The following PRKN variants were observed in gnomAD, a reference collection of about 807,000 sequenced individuals.
PRKN encodes E3 ubiquitin-protein ligase parkin.
In PRKN, 56 loss-of-function variants were observed where a neutral mutation model predicts 59.5. The ratio of observed to expected loss-of-function variants is 0.94; its 90% CI spans 0.76 to 1.18. The LOEUF is 1.18. Ranked by LOEUF, PRKN falls within the 50% of genes most tolerant of loss-of-function variation. The probability of loss-of-function intolerance (pLI) is 0.00; values close to 1 mark genes in which losing one functional copy is unlikely to be tolerated. For synonymous variants in PRKN, 250 were observed against 222.1 expected, an observed-to-expected ratio of 1.13 and a Z score of -1.12; for missense variants, 657 against 596.4, an observed-to-expected ratio of 1.10 and a Z score of -1.06.
chr6:161,917,772 T>G (rs1778625553), intron 6 of PRKN, among the ~76,000 whole-genome samples: 1 of 152,236 alleles, frequency 6.6e-6, no homozygotes, highest in Non-Finnish European at 1.5e-5. Flanking sequence ...AAATTTAGTT[T>G]TTCAATTTGC....
intron 4 of PRKN, among the ~76,000 whole-genome samples, chr6:162,070,018 C>G (rs997423933): frequency 1.3e-5 from 2 of 152,170 alleles, no homozygotes; most frequent in Non-Finnish European, 2.9e-5. Context: ...ACAGGTTTGT[C>G]TACAAATCGC....
At position 161,854,004 on chromosome 6, in the gene PRKN, G is replaced by C; in HGVS notation, c.735-68096C>G. Among the ~76,000 whole-genome samples the C allele has an allele frequency of 2.0e-5, 3 of 151,578 alleles. No individual in the cohort carries two copies. In the South Asian group the frequency reaches 6.3e-4, roughly 32 times the overall value. On this transcript the variant is annotated intron_variant, in intron 6 of 11. Transcript: ENST00000366898. ...CTCATGCCTGTAATCCCAACACTTCGGGAGACCAAGGCAGGTGGATCACTT... is the reference window on the plus strand; with the variant it reads ...CTCATGCCTGTAATCCCAACACTTCCGGAGACCAAGGCAGGTGGATCACTT...
intron 5 of PRKN, among the ~76,000 whole-genome samples, chr6:162,013,070 A>G (rs545049819): frequency 6.6e-6 from 1 of 152,114 alleles, no homozygotes; most frequent in Admixed American, 6.5e-5. Context: ...GCTTGAATCA[A>G]TTATTAGTAT....
chr6:162,674,602 C>T (rs144363633), intron 1 of PRKN, among the ~76,000 whole-genome samples: 78 of 152,272 alleles, frequency 5.1e-4, no homozygotes, highest in African/African-American at 1.8e-3. Context: ...AACAAAATGG[C>T]AACATTCTGT....
At position 162,304,527 on chromosome 6, in the gene PRKN, CTATCTATCTATCTATCTATTT is replaced by C. The variant is rs1562655084; in HGVS notation, c.172-41783_172-41763del. ...TCTATCTATCTATCTATCTATCTATCTATCTATCTATCTATCTATTTATCCATCTGTCCATTTATCTATCTA... is the reference window on the plus strand; with the variant it reads ...TCTATCTATCTATCTATCTATCTATCATCCATCTGTCCATTTATCTATCTA... On this transcript the variant is annotated intron_variant, in intron 2 of 11. Coordinates refer to ENST00000366898, the MANE Select transcript of PRKN (RefSeq NM_004562.3). Among the ~76,000 whole-genome samples, 27 of 119,718 alleles carry C rather than the reference CTATCTATCTATCTATCTATTT, an allele frequency of 2.3e-4. 3 individuals are homozygous for C. The highest frequency in any genetic ancestry group is 6.3e-4 in the African/African-American group (19 of 29,944). 78.5% of individuals were successfully genotyped at this position (119,718 alleles called of 152,430 possible).
chr6:161,591,157 A>C (rs1781710519), intron 7 of PRKN, among the ~76,000 whole-genome samples: 1 of 152,356 alleles, frequency 6.6e-6, no homozygotes, highest in East Asian at 1.9e-4. Context: ...ATATGCACAT[A>C]TGTACACAGA....
At position 161,470,019 on chromosome 6, in the gene PRKN, C is replaced by T. The variant is rs1264373419; in HGVS notation, c.1083+78835G>A. ...AACCGGGCATTGCTAGGCTGAACAT[C>T]CAACATACATAGTTTCCTTCAATTC... On this transcript the variant is annotated intron_variant, in intron 9 of 11. Coordinates refer to ENST00000366898, the MANE Select transcript of PRKN (RefSeq NM_004562.3). The surrounding 1 kb of genome is among the most constrained non-coding windows in gnomAD (Gnocchi z 5.1). Among the ~76,000 whole-genome samples the T allele has an allele frequency of 6.6e-6, 1 of 152,152 alleles. No homozygotes were observed. The highest frequency in any genetic ancestry group is 6.5e-5 in the Admixed American group (1 of 15,282).
chr6:162,174,638 C>A lies in PRKN; in HGVS notation c.534+26493G>T, dbSNP rs938171390. On this transcript the variant is annotated intron_variant, in intron 4 of 11. Transcript: ENST00000366898. The stretch of plus-strand genomic sequence containing the variant: ...AATCACTATCTATTTTGGCTTCACA[C>A]CAGACTTCTAATCAATTCTATATCC... 5.3e-4 allele frequency among the ~76,000 whole-genome samples: 81 copies of A among 152,308 alleles called. 1 individual carries two copies. Among genetic ancestry groups the A allele is most frequent in the African/African-American group, 1.8e-3 (74 of 41,564 alleles).
At chr6:161,692,664 G>A (rs893364522) in intron 7 of PRKN, among the ~76,000 whole-genome samples, 14 of 152,242 alleles carry the variant, frequency 9.2e-5, no homozygotes, top group African/African-American at 3.4e-4. Context: ...CCCAGCACTG[G>A]GAGGCTGAGG....
chr6:162,344,654 T>C (rs1488260189), intron 2 of PRKN, among the ~76,000 whole-genome samples: 1 of 151,732 alleles, frequency 6.6e-6, no homozygotes, highest in Middle Eastern at 3.2e-3. Flanking sequence ...CTCAGATATA[T>C]TTCGCCCTGT....
intron 4 of PRKN, among the ~76,000 whole-genome samples, chr6:162,105,197 A>T (rs1780140541): frequency 6.6e-6 from 1 of 152,106 alleles, no homozygotes; most frequent in Non-Finnish European, 1.5e-5. Context: ...GAAATATAAC[A>T]CCTGAAACCT....
At chr6:161,472,645 C>A (rs1226877414) in intron 9 of PRKN, among the ~76,000 whole-genome samples, 1 of 152,056 alleles carries the variant, frequency 6.6e-6, no homozygotes, top group East Asian at 1.9e-4. Context: ...TGAAAATAAA[C>A]AACTGGACTA....
intron 8 of PRKN, among the ~76,000 whole-genome samples, chr6:161,567,022 G>GTTTTTTTTT (rs71917520): frequency 4.6e-5 from 4 of 87,108 alleles, no homozygotes; most frequent in African/African-American, 5.0e-5. Context: ...CACTGTCCTT[G>GTTTTTTTTT]TTTTTTTTTT....
intron 1 of PRKN, among the ~76,000 whole-genome samples, chr6:162,606,458 G>C (rs927890005): frequency 6.6e-6 from 1 of 152,166 alleles, no homozygotes; most frequent in Non-Finnish European, 1.5e-5. Flanking sequence ...ATGGGTACTT[G>C]AAGTAACGTT....
chr6:161,764,406 G>T (rs1399701014), intron 7 of PRKN, among the ~76,000 whole-genome samples: 1 of 152,112 alleles, frequency 6.6e-6, no homozygotes, highest in Non-Finnish European at 1.5e-5. Context: ...ACATTTTAAG[G>T]ACACACTTTA....
At chr6:161,778,212 T>C (rs992619719) in intron 7 of PRKN, among the ~76,000 whole-genome samples, 19 of 152,090 alleles carry the variant, frequency 1.2e-4, no homozygotes, top group African/African-American at 4.3e-4. Flanking sequence ...GTCATTCCAA[T>C]TTGTGGTGAT....
intron 4 of PRKN, among the ~76,000 whole-genome samples, chr6:162,149,394 A>C (rs1293327147): frequency 6.6e-6 from 1 of 151,980 alleles, no homozygotes. Context: ...ACAGGTGTGC[A>C]CTACCACACC....
intron 3 of PRKN, among the ~76,000 whole-genome samples, chr6:162,244,503 C>A (rs1006287279): frequency 6.6e-6 from 1 of 152,010 alleles, no homozygotes; most frequent in Middle Eastern, 3.2e-3. Flanking sequence ...TATAAAGTTT[C>A]TCATTGAGTA....
intron 4 of PRKN, among the ~76,000 whole-genome samples, chr6:162,074,488 G>T (rs1441972249): frequency 6.6e-6 from 1 of 151,382 alleles, no homozygotes; most frequent in African/African-American, 2.4e-5. Context: ...TGTGTGGTGG[G>T]GGGAGGGGGA....
Sources: gnomAD v4.1 joint callset for allele counts (sites outside exome capture counted in the v4.1 genomes callset) on GRCh38, gnomAD v4.1.1 for gene constraint, Gnocchi (gnomAD v3.1) non-coding constraint, MANE v1.5 for transcripts, NCBI Gene and HGNC (gene_info 2026-07-23, HGNC 2026-07-21) for gene names.